GLIS3: variants seen among roughly 807,000 people sequenced by gnomAD.
The protein encoded by GLIS3 is GLIS family zinc finger 3, also known as zinc finger protein GLIS3.
GLIS3 carries 53 observed loss-of-function variants against 78.6 expected under a neutral mutation model. That is an observed-to-expected ratio of 0.67 (90% CI 0.54 to 0.85). GLIS3 has a LOEUF of 0.85. Ranked by LOEUF, GLIS3 falls within the 40% of genes least tolerant of loss-of-function variation. GLIS3 has a pLI of 0.00. For synonymous variants in GLIS3, 684 were observed against 509.9 expected (o/e 1.34, Z -4.60); for missense variants, 1,703 against 1,231.1 (o/e 1.38, Z -5.74).
chr9:3,993,387 A>C (rs1047060248), intron 4 of GLIS3, among the ~76,000 whole-genome samples: 2 of 152,234 alleles, frequency 1.3e-5, no homozygotes, highest in Non-Finnish European at 2.9e-5. Flanking sequence ...TAATATTAGT[A>C]GTATTTTATG....
At chr9:3,828,979 A>G (rs927176492) in intron 10 of GLIS3, among the ~76,000 whole-genome samples, 28 of 152,314 alleles carry the variant, frequency 1.8e-4, no homozygotes, top group African/African-American at 6.5e-4. Flanking sequence ...GAAAAGAGGC[A>G]TATTTTATCC....
At chr9:4,017,669 C>T (rs573516688) in intron 4 of GLIS3, among the ~76,000 whole-genome samples, 2 of 152,152 alleles carry the variant, frequency 1.3e-5, no homozygotes, top group African/African-American at 4.8e-5. Flanking sequence ...AGAAGAGTCA[C>T]AGACAAAGAT....
rs1173210574 is a variant in GLIS3 at position 3,824,594 on chromosome 9, G to A, written c.*3678C>T. On this transcript the variant is annotated 3_prime_UTR_variant, in exon 11 of 11. Transcript: ENST00000381971. ...TTATGATTATATGAAACATAACTGT[G>A]ACAAATCACAAAACTATACATATTA... The A allele has an allele frequency of 6.6e-6, 1 of 152,340 alleles. No individual in the cohort carries two copies. Among genetic ancestry groups the A allele is most frequent in the Non-Finnish European group, 1.5e-5 (1 of 68,004 alleles). 9.4% of individuals were successfully genotyped at this position (152,340 alleles called of 1,614,324 possible).
intron 4 of GLIS3, among the ~76,000 whole-genome samples, chr9:4,010,081 C>G (rs1821875684): frequency 6.6e-6 from 1 of 152,162 alleles, no homozygotes; most frequent in Middle Eastern, 3.4e-3. Flanking sequence ...TCTAATAGCA[C>G]CCTCCGAGTT....
chr9:3,870,264 T>A (rs1820885782), intron 8 of GLIS3, among the ~76,000 whole-genome samples: 1 of 152,112 alleles, frequency 6.6e-6, no homozygotes, highest in Non-Finnish European at 1.5e-5. Flanking sequence ...TCTCAGGCTA[T>A]GATGGAATAA....
the GLIS3 span, among the ~76,000 whole-genome samples, chr9:4,462,801 T>C: frequency 2.0e-5 from 3 of 152,066 alleles, no homozygotes; most frequent in Admixed American, 1.3e-4. Flanking sequence ...CACAGCAAGA[T>C]CTTGCCTCAA....
At chr9:3,830,778 A>T (rs1353034438) in intron 9 of GLIS3, among the ~76,000 whole-genome samples, 1 of 152,164 alleles carries the variant, frequency 6.6e-6, no homozygotes, top group Non-Finnish European at 1.5e-5. Flanking sequence ...AAAGAAATGA[A>T]CCACCTATCA....
intron 2 of GLIS3, among the ~76,000 whole-genome samples, chr9:4,320,551 ATCTG>A (rs1325426458): frequency 8.6e-5 from 13 of 151,996 alleles, no homozygotes; most frequent in African/African-American, 2.4e-4. Flanking sequence ...ATATTCTCAA[ATCTG>A]TCTGTTTCTC....
the GLIS3 span, among the ~76,000 whole-genome samples, chr9:4,355,013 G>A: frequency 1.3e-5 from 2 of 152,158 alleles, no homozygotes; most frequent in East Asian, 3.9e-4. Flanking sequence ...GTACTCGGGA[G>A]GCTGAAGTGG....
In GLIS3 at chr9:4,086,061, A is replaced by G. The variant is rs180983960; in HGVS notation, c.1710+31707T>C. Among the ~76,000 whole-genome samples, 181 of 152,356 alleles carry G rather than the reference A, an allele frequency of 1.2e-3. 1 individual carries two copies. Among genetic ancestry groups the G allele is most frequent in the Non-Finnish European group, 1.5e-3 (101 of 68,036 alleles). Reference sequence around the variant, plus strand: ...TGCTTTTAACCATTTCTTTGTCCTTACACGAGTTGTCCAAACTTCACAGGA... The same window carrying G: ...TGCTTTTAACCATTTCTTTGTCCTTGCACGAGTTGTCCAAACTTCACAGGA... On this transcript the variant is annotated intron_variant, in intron 4 of 10. Transcript: ENST00000381971.
chr9:3,859,431 C>T (rs1056887730), intron 8 of GLIS3, among the ~76,000 whole-genome samples: 1 of 151,428 alleles, frequency 6.6e-6, no homozygotes, highest in Non-Finnish European at 1.5e-5. Flanking sequence ...AATATTCTGT[C>T]CCCAAAAGTT....
chr9:4,239,758 C>G (rs1160636250), intron 2 of GLIS3, among the ~76,000 whole-genome samples: 2 of 152,192 alleles, frequency 1.3e-5, no homozygotes, highest in African/African-American at 4.8e-5. Flanking sequence ...AGACCAACAG[C>G]TGATTACAAA....
chr9:4,115,578 T>C (rs1242898627), intron 4 of GLIS3, among the ~76,000 whole-genome samples: 1 of 152,166 alleles, frequency 6.6e-6, no homozygotes, highest in African/African-American at 2.4e-5. Flanking sequence ...TTAAGAGGAC[T>C]GCTAAACTTT....
chr9:4,321,522 C>A lies in GLIS3; in HGVS notation n.265-10994G>T, dbSNP rs1445743223. ...TGGTATATGTTATGCTATTAAATTA[C>A]CCAGTGCATGGTCTTCTCTATTTAC... On this transcript the variant is annotated intron_variant and non_coding_transcript_variant, in intron 2 of 4. Transcript: ENST00000471664. Among the ~76,000 whole-genome samples, 9 of 143,168 alleles carry A rather than the reference C, an allele frequency of 6.3e-5. 1 individual carries two copies. 93.9% of individuals were successfully genotyped at this position (143,168 alleles called of 152,430 possible). A position where few individuals can be genotyped will look rare whatever the true frequency, so the allele number is the denominator to read the frequency against.
chr9:4,125,420 T>C (rs1428913603), intron 3 of GLIS3, among the ~76,000 whole-genome samples: 1 of 152,170 alleles, frequency 6.6e-6, no homozygotes, highest in African/African-American at 2.4e-5. Flanking sequence ...CATGATATGA[T>C]TGCTTCACCA....
chr9:3,864,632 A>AGTTAATATAAACAG (rs1363126115), intron 8 of GLIS3, among the ~76,000 whole-genome samples: 1 of 152,228 alleles, frequency 6.6e-6, no homozygotes, highest in Admixed American at 6.5e-5. Context: ...CGCTTCAGTC[A>AGTTAATATAAACAG]TTAATAACAT....
At chr9:4,313,219 T>G (rs1285357841) in intron 2 of GLIS3, among the ~76,000 whole-genome samples, 1 of 152,124 alleles carries the variant, frequency 6.6e-6, no homozygotes, top group African/African-American at 2.4e-5. Flanking sequence ...CTCTAATGAG[T>G]GTCACCCTAA....
At chr9:4,025,310 C>A (rs1231163100) in intron 4 of GLIS3, among the ~76,000 whole-genome samples, 1 of 152,042 alleles carries the variant, frequency 6.6e-6, no homozygotes, top group African/African-American at 2.4e-5. Context: ...AAAGGATGAG[C>A]AAATGGATGG....
chr9:4,305,681 G>C (rs1817209751), intron 4 of GLIS3: 1 of 152,192 alleles, frequency 6.6e-6, no homozygotes, highest in African/African-American at 2.4e-5. Context: ...AAAGTTATTT[G>C]ATAGCTTCTG....
Sources: allele counts gnomAD v4.1 joint callset (sites outside exome capture counted in the v4.1 genomes callset), GRCh38; gene constraint gnomAD v4.1.1; transcripts MANE v1.5; gene names NCBI Gene and HGNC (gene_info 2026-07-23, HGNC 2026-07-21).